Variants in TANC2 observed in about 807,000 individuals in gnomAD.
TANC2 encodes the protein tetratricopeptide repeat, ankyrin repeat and coiled-coil containing 2.
Under a neutral mutation model 210.5 loss-of-function variants are expected in TANC2, and 26 were observed. The ratio of observed to expected loss-of-function variants is 0.12; its 90% CI spans 0.09 to 0.17. The LOEUF (loss-of-function observed/expected upper bound fraction) is 0.17. Among genes scored for constraint, TANC2 ranks in the 10% least tolerant of loss-of-function variants. The pLI, the probability that TANC2 is intolerant of heterozygous loss-of-function variation, is 1.00. For missense variants in TANC2, 2,129 were observed against 2,608.9 expected (o/e 0.82, Z 4.01); for synonymous variants, 931 against 967.1 (o/e 0.96, Z 0.69).
intron 3 of TANC2, among the ~76,000 whole-genome samples, chr17:63,083,658 C>G (rs1209527144): frequency 6.6e-6 from 1 of 152,158 alleles, no homozygotes; most frequent in East Asian, 1.9e-4. Flanking sequence ...TGCTCCTTCC[C>G]CAGTCTGCCT....
intron 14 of TANC2, among the ~76,000 whole-genome samples, chr17:63,377,726 A>G (rs916180710): frequency 6.6e-6 from 1 of 151,694 alleles, no homozygotes; most frequent in Admixed American, 6.6e-5. Context: ...GCAGCACCCT[A>G]CTCTCTGCAG....
chr17:63,059,493 G>A (rs2035919633), intron 2 of TANC2, among the ~76,000 whole-genome samples: 3 of 152,104 alleles, frequency 2.0e-5, no homozygotes, highest in African/African-American at 7.2e-5. Flanking sequence ...GTTGCAGAAT[G>A]GTGATATTCT....
intron 4 of TANC2, chr17:63,150,741 T>C (rs947320101): frequency 1.3e-5 from 2 of 152,216 alleles, no homozygotes; most frequent in Non-Finnish European, 2.9e-5. Context: ...ATCCTACTTA[T>C]GGTGTTTATC....
rs1218285957 is a variant in TANC2 at position 63,091,028 on chromosome 17, A to C, written c.140-8147A>C. The stretch of plus-strand genomic sequence containing the variant: ...CTTCTTTTGAGAAGTGTCTGTTCAT[A>C]TCCTTTGCCCACTTGTTGATGGGGT... On this transcript the variant is annotated intron_variant, in intron 3 of 27. Coordinates refer to ENST00000689528, the Ensembl canonical transcript of TANC2. 2.0e-5 allele frequency among the ~76,000 whole-genome samples: 3 copies of C among 148,818 alleles called. 1 individual carries two copies. The South Asian group carries it at 6.3e-4, about 31-fold the overall frequency.
At chr17:63,255,598 A>G (rs1345354468) in intron 8 of TANC2, among the ~76,000 whole-genome samples, 1 of 152,140 alleles carries the variant, frequency 6.6e-6, no homozygotes, top group Non-Finnish European at 1.5e-5. Flanking sequence ...ATTGATTGGT[A>G]TATAGTTGCT....
At chr17:63,398,085 C>G (rs2147225930) in intron 18 of TANC2, among the ~76,000 whole-genome samples, 1 of 152,212 alleles carries the variant, frequency 6.6e-6, no homozygotes, top group South Asian at 2.1e-4. Context: ...GATTTTTCTC[C>G]CTTTACTAGT....
At chr17:63,063,621 G>GTT (rs1362435955) in intron 2 of TANC2, among the ~76,000 whole-genome samples, 2 of 149,246 alleles carry the variant, frequency 1.3e-5, no homozygotes, top group African/African-American at 5.0e-5. Context: ...AGTATTGTGT[G>GTT]TGTGTGTGTG....
rs2049029092 is a variant in TANC2 at position 63,421,702 on chromosome 17, A to G, written c.5972A>G (p.Asn1991Ser). 6 of 1,614,014 alleles carry G rather than the reference A, an allele frequency of 3.7e-6. No individual in the cohort carries two copies. Among genetic ancestry groups the G allele is most frequent in the Non-Finnish European group, 5.1e-6 (6 of 1,179,890 alleles). The change falls in exon 28 of 28, where the codon AAC (asparagine) becomes AGC (serine). Residue 1991 changes from asparagine (N) to serine (S), a missense_variant. Asn to Ser is a conservative substitution (Grantham distance 46). This residue lies in a region of TANC2 where 161 missense variants were observed against 178.6 expected (regional missense o/e 0.90). Coordinates refer to ENST00000689528, the Ensembl canonical transcript of TANC2. The surrounding 1 kb of genome is among the most constrained non-coding windows in gnomAD (Gnocchi z 6.9). ...AACATTGCCTTTTATAACAAAACCA[A>G]CAATGCACAGAATGGCCATTTGCTG...
intron 2 of TANC2, among the ~76,000 whole-genome samples, chr17:63,063,575 TAGATATATCTCTTACA>T (rs2036082961): frequency 1.5e-5 from 2 of 132,586 alleles, no homozygotes; most frequent in Non-Finnish European, 3.2e-5. Context: ...TGTGTGTGTG[TAGATATATCTCTTACA>T]GTATCACACT....
intron 4 of TANC2, among the ~76,000 whole-genome samples, chr17:63,134,599 A>G (rs1222767780): frequency 6.6e-6 from 1 of 152,190 alleles, no homozygotes; most frequent in African/African-American, 2.4e-5. Flanking sequence ...AGAAAAATAA[A>G]TACTAATTAT....
At chr17:63,328,229 G>T (rs747761352) in intron 11 of TANC2, among the ~76,000 whole-genome samples, 30 of 152,176 alleles carry the variant, frequency 2.0e-4, no homozygotes, top group South Asian at 4.2e-4. Context: ...CTACCTGTCG[G>T]GTACTATGCT....
chr17:63,269,801 G>C (rs1263627655), intron 9 of TANC2, among the ~76,000 whole-genome samples: 4 of 152,046 alleles, frequency 2.6e-5, no homozygotes, highest in African/African-American at 9.7e-5. Flanking sequence ...CCATTGCATT[G>C]ATCTTCAGCC....
At chr17:63,015,499 G>GAC (rs2034067915) in intron 2 of TANC2, among the ~76,000 whole-genome samples, 1 of 151,834 alleles carries the variant, frequency 6.6e-6, no homozygotes, top group Non-Finnish European at 1.5e-5. Context: ...CCCAGTGTGT[G>GAC]ATGTTCCCCT....
At chr17:63,128,845 T>C (rs2145201381) in intron 4 of TANC2, among the ~76,000 whole-genome samples, 1 of 152,204 alleles carries the variant, frequency 6.6e-6, no homozygotes, top group East Asian at 1.9e-4. Context: ...TAGGTCAAAA[T>C]TTAATTGTGA....
chr17:63,246,990 G>C (rs1351907729), intron 8 of TANC2, among the ~76,000 whole-genome samples: 3 of 152,078 alleles, frequency 2.0e-5, no homozygotes, highest in Admixed American at 6.6e-5. Flanking sequence ...CCTTTAGCTG[G>C]TGTGAAATGA....
intron 8 of TANC2, among the ~76,000 whole-genome samples, chr17:63,256,668 T>C (rs959047843): frequency 2.0e-5 from 3 of 152,238 alleles, no homozygotes; most frequent in Non-Finnish European, 4.4e-5. Context: ...CTGGATGATC[T>C]GTCCAATGCT....
chr17:63,036,234 C>T (rs987448947), intron 2 of TANC2, among the ~76,000 whole-genome samples: 7 of 151,640 alleles, frequency 4.6e-5, no homozygotes, highest in Admixed American at 3.9e-4. Context: ...AAAGATTTCT[C>T]CTGTGTTTCT....
At chr17:63,140,060 T>G (rs1037824932) in intron 4 of TANC2, among the ~76,000 whole-genome samples, 1 of 152,218 alleles carries the variant, frequency 6.6e-6, no homozygotes, top group African/African-American at 2.4e-5. Context: ...ATAATTTACT[T>G]TTAAAGAAAC....
At chr17:63,050,157 G>A (rs1422811653) in intron 2 of TANC2, among the ~76,000 whole-genome samples, 1 of 152,044 alleles carries the variant, frequency 6.6e-6, no homozygotes, top group African/African-American at 2.4e-5. Flanking sequence ...TTTGAGACCA[G>A]CCTGTGTAAC....
Sources: allele counts gnomAD v4.1 joint callset (sites outside exome capture counted in the v4.1 genomes callset), GRCh38; gene constraint gnomAD v4.1.1; regional missense constraint gnomAD v4.1.1; non-coding constraint Gnocchi (gnomAD v3.1); transcripts MANE v1.5; gene names NCBI Gene and HGNC (gene_info 2026-07-23, HGNC 2026-07-21).